KIF20B: variants seen among roughly 807,000 people sequenced by gnomAD.
KIF20B encodes kinesin-like protein KIF20B.
KIF20B carries 188 observed loss-of-function variants against 232.5 expected under a neutral mutation model. The ratio of observed to expected loss-of-function variants is 0.81; its 90% CI spans 0.72 to 0.91. The LOEUF (loss-of-function observed/expected upper bound fraction) is 0.91. Ranked by LOEUF, KIF20B falls within the 40% of genes least tolerant of loss-of-function variation. The pLI is 0.00. For missense variants in KIF20B, 2,154 were observed against 2,055.9 expected (o/e 1.05, Z -0.92); for synonymous variants, 712 against 683.0 (o/e 1.04, Z -0.66).
intron 19 of KIF20B, 27 bp downstream of exon 19, chr10:89,733,083 C>A (rs778099025): frequency 6.2e-7 from 1 of 1,610,878 alleles, no homozygotes; most frequent in Non-Finnish European, 8.5e-7. Context: ...CAGCAGCAGG[C>A]GTTTAAGAAA....
chr10:89,762,530 G>T (rs1384872355), intron 28 of KIF20B, 108 bp from the exon 29 acceptor site: 15 of 768,360 alleles, frequency 2.0e-5, no homozygotes, highest in Non-Finnish European at 2.9e-5. Context: ...CACGCTTTTT[G>T]TCTTTCCCAA....
At chr10:89,742,966 G>A (rs1470274978) in intron 21 of KIF20B, among the ~76,000 whole-genome samples, 1 of 152,278 alleles carries the variant, frequency 6.6e-6, no homozygotes, top group East Asian at 1.9e-4. Flanking sequence ...CTCCCAGAGT[G>A]CTGGTATTAC....
In KIF20B at chr10:89,762,660, C is replaced by T. The variant is rs1842268523; in HGVS notation, c.4814C>T (p.Ser1605Phe). 1.2e-6 allele frequency: 2 copies of T among 1,613,094 alleles called. No individual in the cohort carries two copies. The highest frequency in any genetic ancestry group is 2.2e-5 in the South Asian group (2 of 91,048). Residue 1605 changes from serine (S) to phenylalanine (F), a missense_variant, in exon 29 of 33, where the codon TCT becomes TTT. Coordinates refer to ENST00000371728, the MANE Select transcript of KIF20B (RefSeq NM_001284259.2). Reference sequence around the variant, plus strand: ...TAGGATGGATCTGTAGTCCTTGACTCTTGTGAAGTGTCAACAGAAAATGAT... The same window carrying T: ...TAGGATGGATCTGTAGTCCTTGACTTTTGTGAAGTGTCAACAGAAAATGAT... ...KIEDGSVVLD[S>F]CEVSTENDQS... is the part of the protein sequence containing the mutation.
chr10:89,756,351 G>T (rs899368827), intron 26 of KIF20B, among the ~76,000 whole-genome samples: 2 of 152,014 alleles, frequency 1.3e-5, no homozygotes, highest in Non-Finnish European at 2.9e-5. Context: ...AAAACAGAAG[G>T]CTGTCACAGT....
intron 23 of KIF20B, among the ~76,000 whole-genome samples, chr10:89,750,225 T>C (rs1205551853): frequency 6.6e-6 from 1 of 152,146 alleles, no homozygotes. Flanking sequence ...ATAATTAGAT[T>C]TGTAAATTCT....
chr10:89,711,596 A>T (rs1458744702), intron 6 of KIF20B, among the ~76,000 whole-genome samples: 1 of 151,990 alleles, frequency 6.6e-6, no homozygotes, highest in African/African-American at 2.4e-5. Flanking sequence ...CCATATACAG[A>T]GCTTTCTATC....
intron 29 of KIF20B, 103 bp from the exon 30 acceptor site, chr10:89,768,182 GTCACT>G: frequency 1.4e-6 from 1 of 705,350 alleles, no homozygotes. Flanking sequence ...TCGGTTAAGA[GTCACT>G]GTTTTAAGTG....
intron 19 of KIF20B, among the ~76,000 whole-genome samples, chr10:89,733,794 C>G (rs186387198): frequency 2.3e-3 from 348 of 152,202 alleles, no homozygotes; most frequent in African/African-American, 7.8e-3. Flanking sequence ...ATAATAAAAC[C>G]TTGTCCACTG....
rs1843363390 is a variant in KIF20B at position 89,733,053 on chromosome 10, A to G, written c.2542A>G (p.Lys848Glu). ...ELQQDEPPAK[K>E]GSIHVSSAIT... ...TCAGCAAGATGAACCACCAGCAAAG[A>G]AAGGTACTACTTCAGCTGCCAGCAG... is the stretch of plus-strand genomic sequence containing the variant. Residue 848 changes from lysine (K) to glutamate (E), a missense_variant, in exon 19 of 33, where the codon AAA (lysine) becomes GAA (glutamate). Transcript: ENST00000371728. 1.9e-6 allele frequency: 3 copies of G among 1,613,536 alleles called. No individual in the cohort carries two copies. Among genetic ancestry groups the G allele is most frequent in the Non-Finnish European group, 2.5e-6 (3 of 1,179,624 alleles).
chr10:89,739,150 A>G (rs1307132001), intron 21 of KIF20B, 54 bp downstream of exon 21: 12 of 1,556,290 alleles, frequency 7.7e-6, no homozygotes, highest in Non-Finnish European at 9.6e-6. Flanking sequence ...TGTTTTCCTT[A>G]TATATCAAAC....
intron 1 of KIF20B, among the ~76,000 whole-genome samples, chr10:89,702,207 G>C (rs564935308): frequency 5.9e-5 from 9 of 152,132 alleles, no homozygotes; most frequent in Non-Finnish European, 1.0e-4. Context: ...CCTTTTTGCG[G>C]GGGGAGCCCT....
chr10:89,768,464 A>G, intron 30 of KIF20B, 73 bp downstream of exon 30: 2 of 943,264 alleles, frequency 2.1e-6, no homozygotes, highest in Non-Finnish European at 3.3e-6. Flanking sequence ...TAACTCATTT[A>G]TCTTCTCTTT....
At chr10:89,717,546 T>A in intron 10 of KIF20B, 30 bp from the exon 11 acceptor site, 1 of 1,595,796 alleles carries the variant, frequency 6.3e-7, no homozygotes, top group Non-Finnish European at 8.6e-7. Flanking sequence ...TTTGAAGAAC[T>A]TTTAAAGTAC....
intron 21 of KIF20B, among the ~76,000 whole-genome samples, chr10:89,740,243 T>G (rs1265385928): frequency 5.9e-5 from 9 of 151,802 alleles, no homozygotes; most frequent in Admixed American, 4.6e-4. Flanking sequence ...CTTTTTTTTT[T>G]TTTTTTTAAA....
rs566509825 is a variant in KIF20B at position 89,765,722 on chromosome 10, T to C, written c.4990-2568T>C. On this transcript the variant is annotated intron_variant, in intron 29 of 32. Transcript: ENST00000371728. Reference sequence around the variant, plus strand: ...TGGAACAGAACACAGCCCTCAGAAATAACGTCTGTTAAGTATTTTATTTCT... The same window carrying C: ...TGGAACAGAACACAGCCCTCAGAAACAACGTCTGTTAAGTATTTTATTTCT... Among the ~76,000 whole-genome samples the C allele has an allele frequency of 5.9e-5, 9 of 152,230 alleles. No individual in the cohort carries two copies. The South Asian group carries it at 1.0e-3, about 18-fold the overall frequency.
At chr10:89,713,929 T>G (rs1209435747) in intron 6 of KIF20B, 118 bp from the exon 7 acceptor site, 1 of 408,496 alleles carries the variant, frequency 2.4e-6, no homozygotes. Flanking sequence ...ATTCATTGAA[T>G]TGAGTAGATG....
intron 17 of KIF20B, among the ~76,000 whole-genome samples, 174 bp from the exon 18 acceptor site, chr10:89,728,954 A>AT (rs1843257343): frequency 9.2e-6 from 1 of 109,204 alleles, no homozygotes; most frequent in Non-Finnish European, 2.1e-5. Flanking sequence ...TGTGTATGTA[A>AT]TTTTTTTAAA....
rs747614030 is a variant in KIF20B at position 89,738,464 on chromosome 10, T to C, written c.3623T>C (p.Leu1208Pro). ...ERNLKEFQEH[L>P]QDSVKNTKDL... ...AATTTGAAGGAATTTCAAGAACATC[T>C]TCAGGATTCTGTCAAAAACACCAAA... is the stretch of plus-strand genomic sequence containing the variant. The change falls in exon 20 of 33, where the codon CTT becomes CCT. Residue 1208 changes from leucine (L) to proline (P), a missense_variant. Leu to Pro is a moderately conservative substitution (Grantham distance 98). Coordinates refer to ENST00000371728, the MANE Select transcript of KIF20B (RefSeq NM_001284259.2). 44 of 1,604,702 alleles carry C rather than the reference T, an allele frequency of 2.7e-5. No individual in the cohort carries two copies. In the Admixed American group the frequency reaches 6.9e-4, roughly 25 times the overall value.
Position 89,708,876 on chromosome 10 carries a change from A to G in KIF20B, c.148-291A>G, listed in dbSNP as rs766197011. Among the ~76,000 whole-genome samples the G allele has an allele frequency of 4.7e-4, 72 of 152,180 alleles. 1 individual carries two copies. The highest frequency in any genetic ancestry group is 9.6e-4 in the Non-Finnish European group (65 of 68,028). ...ATTTATTCTAGAGTTATATTTTCCA[A>G]TGACTTAGGGCCTCATTAATTATAT... On this transcript the variant is annotated intron_variant, in intron 2 of 32. Transcript: ENST00000371728.
Sources: allele counts gnomAD v4.1 joint callset (sites outside exome capture counted in the v4.1 genomes callset), GRCh38; gene constraint gnomAD v4.1.1; transcripts MANE v1.5; gene names NCBI Gene and HGNC (gene_info 2026-07-23, HGNC 2026-07-21).